Variants in NAALADL2 observed in about 807,000 individuals in gnomAD.
NAALADL2 encodes inactive N-acetylated-alpha-linked acidic dipeptidase-like protein 2.
NAALADL2 carries 76 observed loss-of-function variants against 87.2 expected under a neutral mutation model. The ratio of observed to expected loss-of-function variants is 0.87; its 90% CI spans 0.72 to 1.05. NAALADL2 has a LOEUF of 1.05. Among genes scored for constraint, NAALADL2 ranks in the 50% least tolerant of loss-of-function variants. The pLI is 0.00. For synonymous variants in NAALADL2, 354 were observed against 331.0 expected (o/e 1.07, Z -0.75); for missense variants, 1,089 against 945.8 (o/e 1.15, Z -1.99).
intron 3 of NAALADL2, among the ~76,000 whole-genome samples, chr3:174,842,844 TTTAC>T (rs1560279106): frequency 6.6e-6 from 1 of 152,068 alleles, no homozygotes; most frequent in Non-Finnish European, 1.5e-5. Flanking sequence ...CCTTGGCTTA[TTTAC>T]TTAATAAAAC....
chr3:174,817,864 A>C (rs1720971406), intron 3 of NAALADL2, among the ~76,000 whole-genome samples: 1 of 152,180 alleles, frequency 6.6e-6, no homozygotes, highest in African/African-American at 2.4e-5. Context: ...ATCTTTAAAA[A>C]ATAGTTTTAT....
At chr3:174,459,948 A>C (rs1166358945) in intron 1 of NAALADL2, among the ~76,000 whole-genome samples, 1 of 152,178 alleles carries the variant, frequency 6.6e-6, no homozygotes, top group Admixed American at 6.6e-5. Context: ...TACTTTATAG[A>C]TTATATGACT....
chr3:175,027,993 T>A (rs1752408212), intron 1 of NAALADL2, among the ~76,000 whole-genome samples: 1 of 152,032 alleles, frequency 6.6e-6, no homozygotes, highest in Admixed American at 6.6e-5. Flanking sequence ...TGCGAGTCAA[T>A]ACAAGTAAGG....
intron 13 of NAALADL2, among the ~76,000 whole-genome samples, chr3:175,759,324 A>G (rs1336028661): frequency 6.6e-6 from 1 of 151,968 alleles, no homozygotes; most frequent in Admixed American, 6.6e-5. Flanking sequence ...GAAGAGAGAA[A>G]GTATTGTCTT....
At chr3:175,460,662 A>G (rs949187633) in intron 6 of NAALADL2, among the ~76,000 whole-genome samples, 4 of 152,216 alleles carry the variant, frequency 2.6e-5, no homozygotes, top group Non-Finnish European at 5.9e-5. Context: ...AACCAAATAT[A>G]CAAAAGCAAA....
Position 174,808,808 on chromosome 3 carries a change from G to T in NAALADL2, c.-9+71062G>T, listed in dbSNP as rs576305373. Among the ~76,000 whole-genome samples, 55 of 151,810 alleles carry T rather than the reference G, an allele frequency of 3.6e-4. 1 individual carries two copies. The highest frequency in any genetic ancestry group is 1.2e-3 in the African/African-American group (49 of 41,378). Reference sequence around the variant, plus strand: ...ATATTTTCAATTAAAAAAAATGTGTGTGTGTGTTTGTGTGTGCACATGCAT... The same window carrying T: ...ATATTTTCAATTAAAAAAAATGTGTTTGTGTGTTTGTGTGTGCACATGCAT... On this transcript the variant is annotated intron_variant, in intron 3 of 3. Coordinates refer to the NAALADL2 transcript ENST00000434257.
chr3:175,381,626 A>T (rs1321249636), intron 5 of NAALADL2, among the ~76,000 whole-genome samples: 3 of 152,194 alleles, frequency 2.0e-5, no homozygotes, highest in Non-Finnish European at 2.9e-5. Flanking sequence ...TTATAGAGCG[A>T]TAATGAGTTT....
At chr3:174,848,723 C>T (rs3849517) in intron 3 of NAALADL2, among the ~76,000 whole-genome samples, 46,317 of 151,950 alleles carry the variant, frequency 0.3, 7,283 homozygotes, top group East Asian at 0.48. Flanking sequence ...TACAGTCATG[C>T]GTCACTTAAT....
intron 2 of NAALADL2, among the ~76,000 whole-genome samples, chr3:174,711,754 C>T (rs1277050993): frequency 6.6e-6 from 1 of 152,130 alleles, no homozygotes; most frequent in Non-Finnish European, 1.5e-5. Context: ...TTCTGTATCT[C>T]TGTATTTTAT....
chr3:174,723,713 G>T (rs879543852), intron 2 of NAALADL2, among the ~76,000 whole-genome samples: 8 of 117,358 alleles, frequency 6.8e-5, no homozygotes, highest in Non-Finnish European at 1.3e-4. Context: ...CAGAGACTGC[G>T]CCACTGCACT....
chr3:175,701,102 A>G (rs61232635), intron 11 of NAALADL2, among the ~76,000 whole-genome samples: 10,860 of 152,188 alleles, frequency 0.071, 598 homozygotes, highest in African/African-American at 0.16. Context: ...TTGGCAGAAA[A>G]TCAAAGGCAG....
rs575189571 is a variant in NAALADL2 at position 175,350,622 on chromosome 3, T to C, written c.1090+26297T>C. Among the ~76,000 whole-genome samples the C allele has an allele frequency of 3.9e-4, 59 of 152,238 alleles. No individual in the cohort carries two copies. In the Middle Eastern group the frequency reaches 0.01, roughly 26 times the overall value. On this transcript the variant is annotated intron_variant, in intron 5 of 13. Coordinates refer to ENST00000454872, the MANE Select transcript of NAALADL2 (RefSeq NM_207015.3). ...GCGTCTCTTTTTCTCCTGCTAAAGA[T>C]TCAGGTGAGAGTTATGGCTGATAAA...
intron 3 of NAALADL2, among the ~76,000 whole-genome samples, chr3:174,804,970 G>A (rs904754971): frequency 6.6e-6 from 1 of 152,120 alleles, no homozygotes; most frequent in African/African-American, 2.4e-5. Context: ...AAGTAGTTCA[G>A]CAAGTAGTTA....
intron 10 of NAALADL2, among the ~76,000 whole-genome samples, chr3:175,594,179 C>T (rs1721928407): frequency 6.6e-6 from 1 of 152,012 alleles, no homozygotes; most frequent in African/African-American, 2.4e-5. Context: ...TCCTCAGTGT[C>T]TATTGTTCCC....
intron 5 of NAALADL2, among the ~76,000 whole-genome samples, chr3:175,343,653 A>ATGTTTTTTTTTTTTT (rs1762796374): frequency 1.9e-5 from 1 of 52,286 alleles, no homozygotes; most frequent in Non-Finnish European, 3.9e-5. Flanking sequence ...TGTCTTGATC[A>ATGTTTTTTTTTTTTT]TGTTTTTTTT....
rs532352457 is a variant in NAALADL2, at chr3:174,859,547, G to T, written c.43+97G>T. The T allele has an allele frequency of 3.3e-6, 3 of 919,462 alleles. No homozygotes were observed. In the South Asian group the frequency reaches 4.3e-5, roughly 13 times the overall value. The allele number at this position is 919,462 out of a possible 1,614,324, so 57.0% of individuals were successfully genotyped here. ...TGTGTGTTTCTGTGTATGCACACACGCATCCCTGCATGCATGTTCAGGTGC... is the reference window on the plus strand; with the variant it reads ...TGTGTGTTTCTGTGTATGCACACACTCATCCCTGCATGCATGTTCAGGTGC... On this transcript the variant is annotated intron_variant, in intron 1 of 13. Coordinates refer to ENST00000454872, the MANE Select transcript of NAALADL2 (RefSeq NM_207015.3).
intron 2 of NAALADL2, among the ~76,000 whole-genome samples, chr3:174,597,410 A>G (rs1011711307): frequency 6.6e-6 from 1 of 152,214 alleles, no homozygotes; most frequent in Non-Finnish European, 1.5e-5. Flanking sequence ...CAGTTCAGGC[A>G]TAGTAAACTA....
chr3:175,223,297 C>A (rs963927332), intron 2 of NAALADL2, among the ~76,000 whole-genome samples: 1 of 151,258 alleles, frequency 6.6e-6, no homozygotes. Flanking sequence ...TATACCCCTA[C>A]CTCCCGGCAA....
chr3:174,744,494 A>T (rs1734065942), intron 3 of NAALADL2, among the ~76,000 whole-genome samples: 1 of 152,096 alleles, frequency 6.6e-6, no homozygotes, highest in African/African-American at 2.4e-5. Context: ...CCCACACAAA[A>T]TAGTGGGAGA....
Sources: allele counts gnomAD v4.1 joint callset (sites outside exome capture counted in the v4.1 genomes callset), GRCh38; gene constraint gnomAD v4.1.1; transcripts MANE v1.5; gene names NCBI Gene and HGNC (gene_info 2026-07-23, HGNC 2026-07-21).